GRID1: variants seen among roughly 807,000 people sequenced by gnomAD.
GRID1 encodes the protein glutamate receptor ionotropic, delta-1.
Under a neutral mutation model 98.0 loss-of-function variants are expected in GRID1, and 28 were observed. The ratio of observed to expected loss-of-function variants is 0.29; its 90% CI spans 0.21 to 0.39. The LOEUF (loss-of-function observed/expected upper bound fraction) is 0.39, where lower values mean the gene tolerates loss of function less well. GRID1 is among the 10% of genes least tolerant of loss of function. The pLI, the probability that GRID1 is intolerant of heterozygous loss-of-function variation, is 1.00. For missense variants in GRID1, 1,111 were observed against 1,340.5 expected, an observed-to-expected ratio of 0.83 and a Z score of 2.67; for synonymous variants, 553 against 538.5, an observed-to-expected ratio of 1.03 and a Z score of -0.37.
At chr10:85,905,555 AT>A (rs561232765) in intron 5 of GRID1, among the ~76,000 whole-genome samples, 2 of 152,136 alleles carry the variant, frequency 1.3e-5, no homozygotes, top group South Asian at 2.1e-4. Context: ...ATAACTATGT[AT>A]TTTTGTGTAT....
chr10:86,169,484 G>T (rs1267156448), intron 3 of GRID1, among the ~76,000 whole-genome samples: 1 of 152,168 alleles, frequency 6.6e-6, no homozygotes, highest in East Asian at 1.9e-4. Context: ...CCTGCACAGG[G>T]GTACCCACAT....
At chr10:86,110,202 G>A (rs1295698808) in intron 4 of GRID1, among the ~76,000 whole-genome samples, 1 of 152,072 alleles carries the variant, frequency 6.6e-6, no homozygotes, top group Non-Finnish European at 1.5e-5. Context: ...TCGAAATCCT[G>A]ACCTCAGGTG....
chr10:86,091,584 T>TGG (rs1844149349), intron 4 of GRID1, among the ~76,000 whole-genome samples: 2 of 151,774 alleles, frequency 1.3e-5, no homozygotes, highest in Admixed American at 1.3e-4. Context: ...CATATAACCT[T>TGG]GGGAGTTCTA....
chr10:85,883,425 T>C (rs1234617156), intron 5 of GRID1, among the ~76,000 whole-genome samples: 3 of 152,140 alleles, frequency 2.0e-5, no homozygotes. Context: ...CTGCACTTTA[T>C]TGTTTCTTGG....
chr10:86,287,902 A>G (rs905499977), intron 2 of GRID1, among the ~76,000 whole-genome samples: 3 of 151,800 alleles, frequency 2.0e-5, no homozygotes, highest in African/African-American at 7.3e-5. Flanking sequence ...GGATGTACCC[A>G]CAAGACTCCA....
Position 86,317,964 on chromosome 10 carries a change from C to A in GRID1, c.235+45977G>T, listed in dbSNP as rs563326985. On this transcript the variant is annotated intron_variant, in intron 2 of 15. Coordinates refer to ENST00000327946, the MANE Select transcript of GRID1 (RefSeq NM_017551.3). ...TGCCGTTGCCCAGGCTGGTCTTGAA[C>A]TCCTGGCCTCAAGCAATCCTCCCAC... Among the ~76,000 whole-genome samples, 5 of 152,284 alleles carry A rather than the reference C, an allele frequency of 3.3e-5. No individual in the cohort carries two copies. In the South Asian group the frequency reaches 1.0e-3, roughly 32 times the overall value.
intron 4 of GRID1, among the ~76,000 whole-genome samples, chr10:86,005,069 A>G (rs1403579318): frequency 6.6e-6 from 1 of 152,222 alleles, no homozygotes; most frequent in Non-Finnish European, 1.5e-5. Context: ...TTTCTCCCAA[A>G]GTATATGGCA....
At chr10:85,946,592 A>T (rs554812714) in intron 4 of GRID1, among the ~76,000 whole-genome samples, 36 of 152,364 alleles carry the variant, frequency 2.4e-4, no homozygotes, top group African/African-American at 7.9e-4. Flanking sequence ...AAGAGATGAC[A>T]TGAGAGACTT....
chr10:85,828,384 G>C (rs1391842358), intron 8 of GRID1, among the ~76,000 whole-genome samples: 2 of 130,758 alleles, frequency 1.5e-5, no homozygotes, highest in Non-Finnish European at 3.5e-5. Context: ...AGAGAAATGA[G>C]AAAAGAAAAG....
At chr10:85,667,389 C>A (rs143312327) in intron 12 of GRID1, among the ~76,000 whole-genome samples, 1 of 151,752 alleles carries the variant, frequency 6.6e-6, no homozygotes, top group Non-Finnish European at 1.5e-5. Context: ...CCCTAGTAGG[C>A]TGTTTTAAAA....
chr10:86,121,934 C>T (rs2131960088), intron 4 of GRID1, among the ~76,000 whole-genome samples: 1 of 152,330 alleles, frequency 6.6e-6, no homozygotes, highest in South Asian at 2.1e-4. Context: ...CTCAAGCCTG[C>T]TCCTTACCTT....
rs1285201659 is a variant in GRID1, at chr10:85,599,639, C to CT, written c.*2633dup. The stretch of plus-strand genomic sequence containing the variant: ...ATATACCTAAAATGTATGGAATAGT[C>CT]TAAACAGAGTTATAAATCCAAAGAG... On this transcript the variant is annotated 3_prime_UTR_variant, in exon 16 of 16. Coordinates refer to ENST00000327946, the MANE Select transcript of GRID1 (RefSeq NM_017551.3). 6.6e-6 allele frequency: 1 copy of CT among 150,752 alleles called. No individual in the cohort carries two copies. The highest frequency in any genetic ancestry group is 1.5e-5 in the Non-Finnish European group (1 of 67,782). The allele number at this position is 150,752 out of a possible 1,614,324, so 9.3% of individuals were successfully genotyped here. A position where few individuals can be genotyped will look rare whatever the true frequency, so the allele number is the denominator to read the frequency against.
chr10:85,804,555 GA>G (rs975498512), intron 8 of GRID1, among the ~76,000 whole-genome samples: 4 of 151,356 alleles, frequency 2.6e-5, no homozygotes, highest in African/African-American at 7.3e-5. Flanking sequence ...GACATTACAA[GA>G]AAAAAATCAT....
At chr10:85,913,245 T>C (rs956128011) in intron 5 of GRID1, among the ~76,000 whole-genome samples, 6 of 152,212 alleles carry the variant, frequency 3.9e-5, no homozygotes, top group African/African-American at 1.4e-4. Flanking sequence ...CTGTGAGTTA[T>C]AGATCTTTGC....
chr10:86,168,674 G>C (rs979946662), intron 3 of GRID1, among the ~76,000 whole-genome samples: 1 of 152,218 alleles, frequency 6.6e-6, no homozygotes, highest in African/African-American at 2.4e-5. Context: ...GGTGAGTAAG[G>C]CTGGCAGGGA....
chr10:85,725,385 G>T (rs11201753), intron 10 of GRID1, among the ~76,000 whole-genome samples: 2 of 152,086 alleles, frequency 1.3e-5, no homozygotes. Context: ...GAATCTCTCT[G>T]GATGTGCCCT....
chr10:85,790,973 ACT>A (rs1842474667), intron 8 of GRID1, among the ~76,000 whole-genome samples: 1 of 151,888 alleles, frequency 6.6e-6, no homozygotes, highest in Non-Finnish European at 1.5e-5. Context: ...GGGGCAACAC[ACT>A]CTACTGCCTC....
At chr10:85,929,554 A>G (rs943012947) in intron 4 of GRID1, among the ~76,000 whole-genome samples, 3 of 152,226 alleles carry the variant, frequency 2.0e-5, no homozygotes, top group African/African-American at 7.2e-5. Context: ...AATATCAAAA[A>G]CTGGCAAGAG....
At chr10:85,723,530 C>A (rs1564570573) in intron 11 of GRID1, among the ~76,000 whole-genome samples, 1 of 152,170 alleles carries the variant, frequency 6.6e-6, no homozygotes, top group East Asian at 1.9e-4. Context: ...ATATAGCAGA[C>A]TCGGGAATTC....
Sources: gnomAD v4.1 joint callset for allele counts (sites outside exome capture counted in the v4.1 genomes callset) on GRCh38, gnomAD v4.1.1 for gene constraint, MANE v1.5 for transcripts, NCBI Gene and HGNC (gene_info 2026-07-23, HGNC 2026-07-21) for gene names.